The following CTNNA3 variants were observed in gnomAD, a reference collection of about 807,000 sequenced individuals.
CTNNA3 encodes the protein catenin alpha-3.
In CTNNA3, 76 loss-of-function variants were observed where a neutral mutation model predicts 95.7. The ratio of observed to expected loss-of-function variants is 0.79; its 90% CI spans 0.66 to 0.96. The LOEUF is 0.96. Ranked by LOEUF, CTNNA3 falls within the 40% of genes least tolerant of loss-of-function variation. The pLI is 0.00. For synonymous variants in CTNNA3, 431 were observed against 374.4 expected (o/e 1.15, Z -1.74); for missense variants, 1,191 against 1,089.8 (o/e 1.09, Z -1.31).
rs552997184 is a variant in CTNNA3 at position 66,424,128 on chromosome 10, C to T, written c.1532-44776G>A. Among the ~76,000 whole-genome samples, 161 of 152,068 alleles carry T rather than the reference C, an allele frequency of 1.1e-3. 1 individual carries two copies. Among genetic ancestry groups the T allele is most frequent in the African/African-American group, 3.4e-3 (143 of 41,538 alleles). On this transcript the variant is annotated intron_variant, in intron 11 of 17. Coordinates refer to ENST00000433211, the MANE Select transcript of CTNNA3 (RefSeq NM_013266.4). ...TTCCTAAGGTTTTTCACAGTATTCT[C>T]AAATTCTATTTATGCACTACTTTAT...
chr10:66,268,045 G>C (rs1217324115), intron 13 of CTNNA3, among the ~76,000 whole-genome samples: 4 of 151,900 alleles, frequency 2.6e-5, no homozygotes, highest in Admixed American at 6.6e-5. Context: ...TTGACTTATG[G>C]TCACATAATT....
intron 4 of CTNNA3, among the ~76,000 whole-genome samples, chr10:67,537,525 G>A (rs759573225): frequency 6.6e-6 from 1 of 152,092 alleles, no homozygotes; most frequent in Non-Finnish European, 1.5e-5. Context: ...CATTTGCATG[G>A]TATGATGTAT....
At chr10:66,422,391 C>G (rs1174792529) in intron 11 of CTNNA3, among the ~76,000 whole-genome samples, 1 of 152,134 alleles carries the variant, frequency 6.6e-6, no homozygotes, top group Non-Finnish European at 1.5e-5. Flanking sequence ...ACTCCAGTTT[C>G]TCCATATCTC....
chr10:66,060,074 T>C (rs1236724485), intron 15 of CTNNA3, among the ~76,000 whole-genome samples: 1 of 152,046 alleles, frequency 6.6e-6, no homozygotes, highest in Non-Finnish European at 1.5e-5. Context: ...TTTAAGGAAA[T>C]GCATCCTAGG....
intron 12 of CTNNA3, among the ~76,000 whole-genome samples, chr10:66,362,914 T>A (rs895692415): frequency 6.6e-6 from 1 of 152,188 alleles, no homozygotes; most frequent in African/African-American, 2.4e-5. Flanking sequence ...TAGATGTTCT[T>A]GATATCTTTT....
chr10:67,453,837 G>A (rs1847077208), intron 5 of CTNNA3, among the ~76,000 whole-genome samples: 1 of 152,108 alleles, frequency 6.6e-6, no homozygotes, highest in African/African-American at 2.4e-5. Context: ...AAATGTTTAA[G>A]TCCAATCCCC....
intron 11 of CTNNA3, among the ~76,000 whole-genome samples, chr10:66,406,326 A>G (rs931163674): frequency 2.0e-5 from 3 of 152,166 alleles, no homozygotes; most frequent in Non-Finnish European, 4.4e-5. Context: ...CATCACCACC[A>G]CAAAGAATAA....
intron 1 of CTNNA3, among the ~76,000 whole-genome samples, 173 bp downstream of exon 1, chr10:67,695,827 C>T (rs545647924): frequency 2.6e-5 from 4 of 152,176 alleles, no homozygotes; most frequent in African/African-American, 7.2e-5. Flanking sequence ...TGAAAGCCTA[C>T]GTTTCTCATA....
At chr10:66,120,380 A>G (rs142770425) in intron 13 of CTNNA3, among the ~76,000 whole-genome samples, 22 of 152,298 alleles carry the variant, frequency 1.4e-4, no homozygotes, top group Admixed American at 5.2e-4. Context: ...ATGTCAATAA[A>G]TATTAAGTAT....
At chr10:67,587,412 A>G (rs2133338202) in intron 3 of CTNNA3, among the ~76,000 whole-genome samples, 1 of 152,048 alleles carries the variant, frequency 6.6e-6, no homozygotes, top group South Asian at 2.1e-4. Flanking sequence ...GGTGGTGATG[A>G]ATTCTCTTAG....
At chr10:66,377,564 C>CTAA (rs1257958247) in intron 12 of CTNNA3, among the ~76,000 whole-genome samples, 2 of 151,846 alleles carry the variant, frequency 1.3e-5, no homozygotes, top group Non-Finnish European at 2.9e-5. Flanking sequence ...GCTCACAAGA[C>CTAA]TAACACGATT....
chr10:66,906,563 T>C (rs1845993758), intron 7 of CTNNA3, among the ~76,000 whole-genome samples: 2 of 152,148 alleles, frequency 1.3e-5, no homozygotes, highest in African/African-American at 4.8e-5. Flanking sequence ...TTTAAAGGAA[T>C]TGTAGACTTA....
At chr10:66,094,166 GA>G (rs774503040) in intron 14 of CTNNA3, among the ~76,000 whole-genome samples, 3 of 152,060 alleles carry the variant, frequency 2.0e-5, no homozygotes, top group Non-Finnish European at 4.4e-5. Context: ...TAAAGGGAAA[GA>G]GGGGGCAGCG....
chr10:66,505,332 T>C (rs1840412770), intron 11 of CTNNA3, among the ~76,000 whole-genome samples: 1 of 152,200 alleles, frequency 6.6e-6, no homozygotes, highest in East Asian at 1.9e-4. Flanking sequence ...GGGAAGCCTA[T>C]TCAATCATTT....
Position 66,306,626 on chromosome 10 carries a change from C to A in CTNNA3, c.1733-26005G>T, listed in dbSNP as rs1320690846. Among the ~76,000 whole-genome samples the A allele has an allele frequency of 3.9e-5, 6 of 152,168 alleles. No homozygotes were observed. The South Asian group carries it at 1.2e-3, about 32-fold the overall frequency. Reference sequence around the variant, plus strand: ...CTGTATGATTTCATACTGGCATATGCAAGGGTAAAATTGAAAGACGGTACT... The same window carrying A: ...CTGTATGATTTCATACTGGCATATGAAAGGGTAAAATTGAAAGACGGTACT... On this transcript the variant is annotated intron_variant, in intron 12 of 17. Coordinates refer to ENST00000433211, the MANE Select transcript of CTNNA3 (RefSeq NM_013266.4).
At chr10:67,421,983 C>T (rs1211605451) in intron 5 of CTNNA3, among the ~76,000 whole-genome samples, 1 of 152,100 alleles carries the variant, frequency 6.6e-6, no homozygotes, top group Non-Finnish European at 1.5e-5. Context: ...GACACAATAT[C>T]GCTTTGTGCT....
intron 7 of CTNNA3, among the ~76,000 whole-genome samples, chr10:66,968,228 G>A (rs1052467922): frequency 6.6e-6 from 1 of 151,622 alleles, no homozygotes; most frequent in Non-Finnish European, 1.5e-5. Context: ...TGTGGATTTT[G>A]GTATAGTTTT....
At chr10:66,926,259 C>G in intron 7 of CTNNA3, 1 of 509,300 alleles carries the variant, frequency 2.0e-6, no homozygotes. Flanking sequence ...TTGTAGGATC[C>G]AGTTTTTTTT....
At position 67,401,374 on chromosome 10, in the gene CTNNA3, A is replaced by C. The variant is rs1195682722; in HGVS notation, c.579+120468T>G. Among the ~76,000 whole-genome samples, 3 of 152,216 alleles carry C rather than the reference A, an allele frequency of 2.0e-5. No individual in the cohort carries two copies. In the East Asian group the frequency reaches 5.8e-4, roughly 29 times the overall value. ...CCCACAGAAAGAGACCCAATTTAATATACACCAACATAATTTGAACAAATC... is the reference window on the plus strand; with the variant it reads ...CCCACAGAAAGAGACCCAATTTAATCTACACCAACATAATTTGAACAAATC... On this transcript the variant is annotated intron_variant, in intron 5 of 17. Coordinates refer to ENST00000433211, the MANE Select transcript of CTNNA3 (RefSeq NM_013266.4).
Sources: allele counts gnomAD v4.1 joint callset (sites outside exome capture counted in the v4.1 genomes callset), GRCh38; gene constraint gnomAD v4.1.1; transcripts MANE v1.5; gene names NCBI Gene and HGNC (gene_info 2026-07-23, HGNC 2026-07-21).